POLR1C: variants seen among roughly 807,000 people sequenced by gnomAD.
POLR1C encodes DNA-directed RNA polymerases I and III subunit RPAC1.
Under a neutral mutation model 38.3 loss-of-function variants are expected in POLR1C, and 42 were observed. That is an observed-to-expected ratio of 1.10 (90% CI 0.86 to 1.42). POLR1C has a LOEUF of 1.42. POLR1C is among the 40% of genes most tolerant of loss of function. The pLI, the probability that POLR1C is intolerant of heterozygous loss-of-function variation, is 0.00. For missense variants in POLR1C, 507 were observed against 450.5 expected (o/e 1.13, Z -1.14); for synonymous variants, 163 against 163.9 (o/e 0.99, Z 0.04).
At chr6:43,553,985 A>G (rs1479469795) in intron 10 of POLR1C, among the ~76,000 whole-genome samples, 1 of 152,224 alleles carries the variant, frequency 6.6e-6, no homozygotes, top group East Asian at 1.9e-4. Context: ...TTCACATCCA[A>G]TAGCCTCATG....
At chr6:43,535,580 C>G (rs913587361) in intron 9 of POLR1C, among the ~76,000 whole-genome samples, 1 of 151,746 alleles carries the variant, frequency 6.6e-6, no homozygotes, top group Non-Finnish European at 1.5e-5. Context: ...AGAGGCCGGG[C>G]GCGGTGGATC....
At chr6:43,539,314 G>A (rs531148646) in intron 9 of POLR1C, 29 of 1,565,446 alleles carry the variant, frequency 1.9e-5, no homozygotes, top group East Asian at 4.5e-5. Flanking sequence ...TGTAGTCCCC[G>A]ATAGCAACAA....
chr6:43,542,586 T>TTGG (rs1794758035), intron 9 of POLR1C, among the ~76,000 whole-genome samples: 1 of 151,908 alleles, frequency 6.6e-6, no homozygotes, highest in Non-Finnish European at 1.5e-5. Context: ...ATTTTTTTTG[T>TTGG]TGGTGGTGGT....
downstream of POLR1C, chr6:43,523,993 C>G: frequency 1.2e-6 from 2 of 1,613,248 alleles, no homozygotes; most frequent in Non-Finnish European, 8.5e-7. Context: ...CGGAACTGCT[C>G]TCCCAAGGGT....
downstream of POLR1C, among the ~76,000 whole-genome samples, chr6:43,524,169 T>C (rs1793383449): frequency 6.6e-6 from 1 of 152,026 alleles, no homozygotes; most frequent in South Asian, 2.1e-4. Context: ...CTGACCGACA[T>C]GGAGAAACCC....
At chr6:43,525,067 C>T, downstream of POLR1C, 1 of 1,573,006 alleles carries the variant, frequency 6.4e-7, no homozygotes, top group Non-Finnish European at 8.6e-7. Context: ...ATGACCCAAA[C>T]CTTCCATGAG....
intron 8 of POLR1C, chr6:43,529,041 T>C: frequency 8.8e-7 from 1 of 1,138,454 alleles, no homozygotes; most frequent in East Asian, 2.4e-5. Flanking sequence ...ATGTCAAAAA[T>C]ATCCTGTGTT....
chr6:43,557,822 C>T (rs956765279), intron 10 of POLR1C, among the ~76,000 whole-genome samples: 40 of 142,940 alleles, frequency 2.8e-4, no homozygotes, highest in African/African-American at 7.7e-5. Context: ...AGGCTGGGCG[C>T]GGTGGTTCGC....
intron 8 of POLR1C, chr6:43,528,968 C>A: frequency 1.3e-6 from 2 of 1,562,226 alleles, no homozygotes; most frequent in South Asian, 1.2e-5. Flanking sequence ...AGGCACACAT[C>A]TCTCACCTGC....
At chr6:43,528,042 G>T in intron 8 of POLR1C, 1 of 1,065,286 alleles carries the variant, frequency 9.4e-7, no homozygotes, top group South Asian at 1.5e-5. Context: ...GGCTGAGAAT[G>T]ACTACAACCT....
At chr6:43,548,975 G>T (rs1795098579) in intron 9 of POLR1C, among the ~76,000 whole-genome samples, 1 of 152,232 alleles carries the variant, frequency 6.6e-6, no homozygotes, top group South Asian at 2.1e-4. Context: ...ATATGGCAGA[G>T]AACTATTTGT....
downstream of POLR1C, chr6:43,530,636 T>G (rs188368166): frequency 1.0e-4 from 167 of 1,597,582 alleles, no homozygotes; most frequent in Non-Finnish European, 1.4e-4. Context: ...GTTTTGTTTC[T>G]CTCTCTAATT....
downstream of POLR1C, chr6:43,522,735 CAACAGG>C (rs1334569403): frequency 2.0e-6 from 1 of 499,394 alleles, no homozygotes; most frequent in Non-Finnish European, 4.2e-6. Flanking sequence ...ACTGGATGGA[CAACAGG>C]TCTGTTTTTG....
At chr6:43,524,035 G>T (rs1245488841), downstream of POLR1C, 1 of 1,604,992 alleles carries the variant, frequency 6.2e-7, no homozygotes, top group East Asian at 2.2e-5. Flanking sequence ...AAGAATTAAT[G>T]CTGGGCCCTC....
intron 2 of POLR1C, chr6:43,519,080 G>A (rs972321541): frequency 3.7e-6 from 2 of 537,524 alleles, no homozygotes; most frequent in Non-Finnish European, 6.7e-6. Flanking sequence ...CTGTTCTTCA[G>A]TAGAATAGCT....
chr6:43,559,854 T>C (rs1300318596), intron 10 of POLR1C, among the ~76,000 whole-genome samples: 3 of 152,110 alleles, frequency 2.0e-5, no homozygotes, highest in Non-Finnish European at 2.9e-5. Context: ...TCACTCTCAT[T>C]GCCTAGGCTG....
At chr6:43,524,384 G>C, downstream of POLR1C, 1 of 1,404,746 alleles carries the variant, frequency 7.1e-7, no homozygotes. Context: ...TCACCATAAT[G>C]GTCAATAACT....
downstream of POLR1C, chr6:43,524,425 G>A (rs1582189930): frequency 1.9e-6 from 3 of 1,590,264 alleles, no homozygotes; most frequent in African/African-American, 2.7e-5. Flanking sequence ...CCATACACAT[G>A]ATTTAAGAAG....
Position 43,553,701 on chromosome 6 carries a change from T to C in POLR1C, c.*48+2690T>C, listed in dbSNP as rs1044780475. On this transcript the variant is annotated intron_variant, in intron 10 of 10. Transcript: ENST00000607635. ...TGTGTGCTGAAAGCAATGAGGTAGGTGAAGGTTCCTACCATGCCTCCTCCT... is the reference window on the plus strand; with the variant it reads ...TGTGTGCTGAAAGCAATGAGGTAGGCGAAGGTTCCTACCATGCCTCCTCCT... 7 of 1,198,644 alleles carry C rather than the reference T, an allele frequency of 5.8e-6. No individual in the cohort carries two copies. The African/African-American group carries it at 1.1e-4, about 18-fold the overall frequency. 74.3% of individuals were successfully genotyped at this position (1,198,644 alleles called of 1,614,324 possible). A position where few individuals can be genotyped will look rare whatever the true frequency, so the allele number is the denominator to read the frequency against.
Sources: allele counts gnomAD v4.1 joint callset (sites outside exome capture counted in the v4.1 genomes callset), GRCh38; gene constraint gnomAD v4.1.1; transcripts MANE v1.5; gene names NCBI Gene and HGNC (gene_info 2026-07-23, HGNC 2026-07-21).